The following ASIC4 variants were observed in gnomAD, a reference collection of about 807,000 sequenced individuals.
ASIC4 encodes acid sensing ion channel subunit family member 4.
In ASIC4, 28 loss-of-function variants were observed where a neutral mutation model predicts 53.4. The ratio of observed to expected loss-of-function variants is 0.52; its 90% CI spans 0.39 to 0.72. ASIC4 has a LOEUF of 0.72. ASIC4 is among the 30% of genes least tolerant of loss of function. ASIC4 has a pLI of 0.00. For synonymous variants in ASIC4, 289 were observed against 301.4 expected (o/e 0.96, Z 0.43); for missense variants, 649 against 729.7 (o/e 0.89, Z 1.27).
At chr2:219,522,738 C>T (rs1250847706) in intron 1 of ASIC4, among the ~76,000 whole-genome samples, 1 of 152,050 alleles carries the variant, frequency 6.6e-6, no homozygotes, top group Non-Finnish European at 1.5e-5. Context: ...GCCCCCTCCC[C>T]GGCCGCCGCG....
intron 1 of ASIC4, among the ~76,000 whole-genome samples, chr2:219,528,862 G>C (rs1038881170): frequency 1.3e-5 from 2 of 152,138 alleles, no homozygotes; most frequent in African/African-American, 4.8e-5. Flanking sequence ...TCTTGCACCA[G>C]GCCCATTTCA....
upstream of ASIC4, among the ~76,000 whole-genome samples, chr2:219,512,695 C>T (rs1315604570): frequency 6.6e-6 from 1 of 152,232 alleles, no homozygotes; most frequent in Non-Finnish European, 1.5e-5. Context: ...TCCCACTTTC[C>T]CTTCTGGGAC....
chr2:219,525,688 T>C (rs1694951721), intron 1 of ASIC4, among the ~76,000 whole-genome samples: 1 of 152,222 alleles, frequency 6.6e-6, no homozygotes, highest in Non-Finnish European at 1.5e-5. Flanking sequence ...GCTTTGAACC[T>C]GGATACTGGG....
intron 1 of ASIC4, among the ~76,000 whole-genome samples, chr2:219,531,203 T>TA (rs35070228): frequency 0.071 from 10,294 of 145,030 alleles, 852 homozygotes; most frequent in African/African-American, 0.2. Flanking sequence ...AAATAAAAAG[T>TA]AAAAAAAAAA....
intron 1 of ASIC4, among the ~76,000 whole-genome samples, chr2:219,522,126 C>A (rs1183193553): frequency 6.6e-6 from 1 of 152,060 alleles, no homozygotes; most frequent in African/African-American, 2.4e-5. Flanking sequence ...TTGGGACACC[C>A]GTGGGTGTTG....
chr2:219,513,498 A>C (rs1694728233), upstream of ASIC4, among the ~76,000 whole-genome samples: 3 of 151,650 alleles, frequency 2.0e-5, no homozygotes, highest in Admixed American at 1.3e-4. Flanking sequence ...TCTTTAGGAG[A>C]GCATTCGCTC....
intron 1 of ASIC4, among the ~76,000 whole-genome samples, chr2:219,530,954 G>A (rs927634665): frequency 6.6e-6 from 1 of 152,162 alleles, no homozygotes. Context: ...CGGTAGGGAG[G>A]GGCAAGGGTG....
At position 219,537,730 on chromosome 2, in the gene ASIC4, G is replaced by A. The variant is rs1695168168; in HGVS notation, c.1500G>A (p.Lys500=). Residue 500 remains lysine (K), a synonymous_variant, in exon 9 of 10, where the codon AAG becomes AAA. Coordinates refer to ENST00000358078, the MANE Select transcript of ASIC4 (RefSeq NM_018674.6). The surrounding 1 kb of genome is among the most constrained non-coding windows in gnomAD (Gnocchi z 4.9). ...CCACTTTGGGGCTTCAGGAGCTGAA[G>A]GAACAGGTGAGGACAAGCTCTAAAT... ...GISTLGLQEL[K]EQSPCPSRGR... is the part of the protein sequence containing the mutation. 6.2e-7 allele frequency: 1 copy of A among 1,613,222 alleles called. No homozygotes were observed. Among genetic ancestry groups the A allele is most frequent in the East Asian group, 2.2e-5 (1 of 44,876 alleles).
chr2:219,531,724 A>G (rs1695044163), intron 1 of ASIC4, 34 bp from the exon 2 acceptor site: 2 of 1,540,940 alleles, frequency 1.3e-6, no homozygotes, highest in Admixed American at 4.0e-5. Context: ...CACTCCTTTC[A>G]TCTCCCCTCC....
chr2:219,527,126 C>G lies in ASIC4; in HGVS notation c.583-4632C>G, dbSNP rs1468867322. Reference sequence around the variant, plus strand: ...GGACCTTGTGGCAGAGCTGCCGTGCCGTCTCCATGGAAGAAGCTGTGGGCT... The same window carrying G: ...GGACCTTGTGGCAGAGCTGCCGTGCGGTCTCCATGGAAGAAGCTGTGGGCT... On this transcript the variant is annotated intron_variant, in intron 1 of 9. Transcript: ENST00000358078. Among the ~76,000 whole-genome samples, 5 of 152,316 alleles carry G rather than the reference C, an allele frequency of 3.3e-5. No individual in the cohort carries two copies. In the East Asian group the frequency reaches 7.7e-4, roughly 23 times the overall value.
upstream of ASIC4, among the ~76,000 whole-genome samples, chr2:219,510,361 G>T (rs931617300): frequency 1.3e-5 from 2 of 152,064 alleles, no homozygotes; most frequent in African/African-American, 4.8e-5. The surrounding 1 kb of genome is among the most constrained non-coding windows in gnomAD (Gnocchi z 5.2). Context: ...CTCCCGGCCA[G>T]CCTGTCTCTG....
rs1350344620 is a variant in ASIC4, at chr2:219,536,167, A to C, written c.1229+843A>C. Reference sequence around the variant, plus strand: ...GTGCTTCCAGGTCCAAACACCTTTCATCTGAGTTCCCAGCACCCGTACAGA... The same window carrying C: ...GTGCTTCCAGGTCCAAACACCTTTCCTCTGAGTTCCCAGCACCCGTACAGA... On this transcript the variant is annotated intron_variant, in intron 6 of 9. Transcript: ENST00000358078. The surrounding 1 kb of genome is among the most constrained non-coding windows in gnomAD (Gnocchi z 4.6). Among the ~76,000 whole-genome samples the C allele has an allele frequency of 6.6e-6, 1 of 152,216 alleles. No individual in the cohort carries two copies. Among genetic ancestry groups the C allele is most frequent in the Non-Finnish European group, 1.5e-5 (1 of 68,050 alleles).
intron 1 of ASIC4, among the ~76,000 whole-genome samples, chr2:219,529,072 G>A (rs186843220): frequency 5.3e-5 from 8 of 152,324 alleles, no homozygotes; most frequent in South Asian, 2.1e-4. Flanking sequence ...GTGCACAATA[G>A]TGTTTAAGCC....
upstream of ASIC4, chr2:219,514,323 G>A (rs576818700): frequency 1.7e-5 from 26 of 1,524,864 alleles, no homozygotes; most frequent in South Asian, 1.5e-4. Context: ...ATTATTAAGC[G>A]TGGGGAGGGC....
chr2:219,525,227 CT>C (rs1694944273), intron 1 of ASIC4, among the ~76,000 whole-genome samples: 1 of 152,202 alleles, frequency 6.6e-6, no homozygotes, highest in South Asian at 2.1e-4. Flanking sequence ...TCTACAAAAC[CT>C]TTATTACTGG....
chr2:219,518,277 C>G lies in ASIC4; in HGVS notation c.582+2971C>G, dbSNP rs1694828865. Among the ~76,000 whole-genome samples, 2 of 152,148 alleles carry G rather than the reference C, an allele frequency of 1.3e-5. No homozygotes were observed. Among genetic ancestry groups the G allele is most frequent in the African/African-American group, 2.4e-5 (1 of 41,424 alleles). On this transcript the variant is annotated intron_variant, in intron 1 of 9. Transcript: ENST00000358078. The surrounding 1 kb of genome is among the most constrained non-coding windows in gnomAD (Gnocchi z 4.8). ...ACCATGCAAGAGTTAATCAGCCATGCAAGTGGTGTCATAAGGTGCCAGGAT... is the reference window on the plus strand; with the variant it reads ...ACCATGCAAGAGTTAATCAGCCATGGAAGTGGTGTCATAAGGTGCCAGGAT...
intron 1 of ASIC4, among the ~76,000 whole-genome samples, chr2:219,523,740 A>G (rs911933076): frequency 2.6e-5 from 4 of 152,096 alleles, no homozygotes; most frequent in African/African-American, 7.2e-5. Context: ...AACTAGTAAC[A>G]ATTTATCCAT....
At position 219,514,818 on chromosome 2, in the gene ASIC4, G is replaced by C; in HGVS notation, c.94G>C (p.Ala32Pro). The C allele has an allele frequency of 6.2e-7, 1 of 1,613,356 alleles. No individual in the cohort carries two copies. Among genetic ancestry groups the C allele is most frequent in the Non-Finnish European group, 8.5e-7 (1 of 1,179,950 alleles). The part of the protein sequence containing the change: ...EAGDEQSLLG[A>P]VAPGAAPRDL... ...AGGGGATGAGCAGAGCCTCCTCGGG[G>C]CTGTTGCCCCTGGAGCAGCCCCCCG... is the stretch of plus-strand genomic sequence containing the variant. The change falls in exon 1 of 10, where the codon GCT becomes CCT. Residue 32 changes from alanine to proline, a missense_variant. By Grantham distance (27) the Ala-to-Pro change is conservative. Transcript: ENST00000358078.
upstream of ASIC4, among the ~76,000 whole-genome samples, chr2:219,510,431 C>G (rs1190471839): frequency 6.6e-6 from 1 of 152,208 alleles, no homozygotes; most frequent in Admixed American, 6.5e-5. The surrounding 1 kb of genome is among the most constrained non-coding windows in gnomAD (Gnocchi z 5.2). Context: ...ATGCCCTTTG[C>G]CCTCTGCAGC....
Sources: gnomAD v4.1 joint callset for allele counts (sites outside exome capture counted in the v4.1 genomes callset) on GRCh38, gnomAD v4.1.1 for gene constraint, Gnocchi (gnomAD v3.1) non-coding constraint, MANE v1.5 for transcripts, NCBI Gene and HGNC (gene_info 2026-07-23, HGNC 2026-07-21) for gene names.